HS3ST4: variants seen among roughly 807,000 people sequenced by gnomAD.
HS3ST4 encodes the protein heparan sulfate glucosamine 3-O-sulfotransferase 4.
Under a neutral mutation model 29.2 loss-of-function variants are expected in HS3ST4, and 17 were observed. That is an observed-to-expected ratio of 0.58 (90% confidence interval 0.40 to 0.87). HS3ST4 has a LOEUF of 0.87. Ranked by LOEUF, HS3ST4 falls within the 40% of genes least tolerant of loss-of-function variation. HS3ST4 has a pLI of 0.00. For missense variants in HS3ST4, 627 were observed against 634.5 expected (o/e 0.99, Z 0.13); for synonymous variants, 314 against 285.7 (o/e 1.10, Z -1.00).
In HS3ST4 at chr16:26,000,284, C is replaced by G. The variant is rs182822994; in HGVS notation, c.735-135328C>G. Among the ~76,000 whole-genome samples the G allele has an allele frequency of 6.6e-5, 10 of 152,212 alleles. No individual in the cohort carries two copies. The East Asian group carries it at 1.9e-3, about 29-fold the overall frequency. ...TTCCTCTCTTTCTCTCTGTCACATACACTTCAAATTATAGCTAGATTTTTC... is the reference window on the plus strand; with the variant it reads ...TTCCTCTCTTTCTCTCTGTCACATAGACTTCAAATTATAGCTAGATTTTTC... On this transcript the variant is annotated intron_variant, in intron 1 of 1. Coordinates refer to ENST00000331351, the MANE Select transcript of HS3ST4 (RefSeq NM_006040.3).
intron 1 of HS3ST4, among the ~76,000 whole-genome samples, chr16:25,769,274 G>T (rs1194548984): frequency 6.6e-6 from 1 of 152,124 alleles, no homozygotes; most frequent in Non-Finnish European, 1.5e-5. Context: ...CTCAGTGTGT[G>T]TCTGTGTGTG....
intron 1 of HS3ST4, among the ~76,000 whole-genome samples, chr16:26,086,897 A>G (rs752778749): frequency 2.0e-5 from 3 of 152,130 alleles, no homozygotes; most frequent in Admixed American, 6.5e-5. Context: ...TCTGAAATGC[A>G]TCTGCATTTA....
chr16:26,090,442 G>A (rs1898843191), intron 1 of HS3ST4, among the ~76,000 whole-genome samples: 1 of 151,972 alleles, frequency 6.6e-6, no homozygotes, highest in Non-Finnish European at 1.5e-5. Flanking sequence ...AAGCATCCAG[G>A]GTCCTTCCTA....
At chr16:25,965,105 C>T (rs1480939029) in intron 1 of HS3ST4, among the ~76,000 whole-genome samples, 3 of 152,050 alleles carry the variant, frequency 2.0e-5, no homozygotes, top group Non-Finnish European at 4.4e-5. Context: ...TCTGGAGATG[C>T]GCACCAAGTA....
chr16:25,924,585 A>G (rs566848293), intron 1 of HS3ST4, among the ~76,000 whole-genome samples: 3 of 152,310 alleles, frequency 2.0e-5, no homozygotes, highest in Admixed American at 2.0e-4. Context: ...ACCCATTTTC[A>G]TATGTTACCC....
rs143004102 is a variant in HS3ST4, at chr16:26,015,296, A to G, written c.735-120316A>G. ...AATACTTACAATTATGTTTAATTATAGTGAAACGATACGTATTACAACCAA... is the reference window on the plus strand; with the variant it reads ...AATACTTACAATTATGTTTAATTATGGTGAAACGATACGTATTACAACCAA... On this transcript the variant is annotated intron_variant, in intron 1 of 1. Transcript: ENST00000331351. Among the ~76,000 whole-genome samples, 336 of 152,370 alleles carry G rather than the reference A, an allele frequency of 2.2e-3. 2 individuals are homozygous for G. Among genetic ancestry groups the G allele is most frequent in the African/African-American group, 7.5e-3 (313 of 41,594 alleles).
chr16:25,712,859 C>A (rs1477704966), intron 1 of HS3ST4, among the ~76,000 whole-genome samples: 1 of 152,132 alleles, frequency 6.6e-6, no homozygotes, highest in Non-Finnish European at 1.5e-5. Context: ...TCTCACAATT[C>A]TGGAAGCTGG....
rs539940597 is a variant in HS3ST4, at chr16:25,884,208, G to A, written c.734+191057G>A. Among the ~76,000 whole-genome samples the A allele has an allele frequency of 1.1e-4, 16 of 152,250 alleles. No individual in the cohort carries two copies. The East Asian group carries it at 1.7e-3, about 17-fold the overall frequency. On this transcript the variant is annotated intron_variant, in intron 1 of 1. Coordinates refer to ENST00000331351, the MANE Select transcript of HS3ST4 (RefSeq NM_006040.3). ...GGTGCATAGAGAAGGTTCAGTACTC[G>A]AGGAAAGTAAATAAAAAGGAGATGA... is the stretch of plus-strand genomic sequence containing the variant.
intron 1 of HS3ST4, among the ~76,000 whole-genome samples, chr16:25,823,007 G>A (rs1470756641): frequency 8.5e-5 from 13 of 152,102 alleles, no homozygotes; most frequent in Admixed American, 8.5e-4. Flanking sequence ...TAAAGGGCTG[G>A]GATTACAGGC....
chr16:25,887,792 G>T (rs1362755181), intron 1 of HS3ST4, among the ~76,000 whole-genome samples: 2 of 146,950 alleles, frequency 1.4e-5, no homozygotes, highest in African/African-American at 2.6e-5. Flanking sequence ...CCACCTCCCA[G>T]GTTCACGCCA....
intron 1 of HS3ST4, among the ~76,000 whole-genome samples, chr16:26,004,918 G>A (rs1969243629): frequency 6.6e-6 from 1 of 152,142 alleles, no homozygotes; most frequent in South Asian, 2.1e-4. Context: ...CATTGAATCA[G>A]TGTCTATGCT....
At chr16:26,125,159 T>A (rs567224728) in intron 1 of HS3ST4, among the ~76,000 whole-genome samples, 1 of 152,360 alleles carries the variant, frequency 6.6e-6, no homozygotes, top group African/African-American at 2.4e-5. Flanking sequence ...TAGTCTGCTC[T>A]CTCACCTTAT....
chr16:25,753,684 A>G (rs745368905), intron 1 of HS3ST4, among the ~76,000 whole-genome samples: 5 of 152,182 alleles, frequency 3.3e-5, no homozygotes, highest in Non-Finnish European at 7.3e-5. Context: ...CCTGGCTTTT[A>G]ACAATGGTAA....
chr16:25,713,363 A>G (rs1281103514), intron 1 of HS3ST4, among the ~76,000 whole-genome samples: 1 of 152,038 alleles, frequency 6.6e-6, no homozygotes, highest in Non-Finnish European at 1.5e-5. Context: ...CCCTGTCTCT[A>G]CAAAAAATAC....
intron 1 of HS3ST4, among the ~76,000 whole-genome samples, chr16:26,037,365 G>A (rs149775690): frequency 6.6e-6 from 1 of 152,260 alleles, no homozygotes; most frequent in Non-Finnish European, 1.5e-5. Context: ...TTCTCCTAAG[G>A]AGAGATTGTG....
intron 1 of HS3ST4, among the ~76,000 whole-genome samples, chr16:25,957,305 G>A (rs530375200): frequency 3.9e-4 from 60 of 152,348 alleles, no homozygotes; most frequent in African/African-American, 1.4e-3. Flanking sequence ...GGCCTGGAAA[G>A]GAAAATAGTT....
At chr16:25,858,991 C>T (rs1157031175) in intron 1 of HS3ST4, among the ~76,000 whole-genome samples, 2 of 152,106 alleles carry the variant, frequency 1.3e-5, no homozygotes, top group Non-Finnish European at 2.9e-5. Flanking sequence ...CTTTCCTCTG[C>T]AGCAGTCATT....
intron 1 of HS3ST4, among the ~76,000 whole-genome samples, chr16:25,928,735 C>A (rs968821091): frequency 6.6e-6 from 1 of 152,158 alleles, no homozygotes; most frequent in Non-Finnish European, 1.5e-5. Flanking sequence ...GAACCCTCTC[C>A]ATGGGCTTTT....
chr16:25,885,363 AGGAGG>A (rs972754908), intron 1 of HS3ST4, among the ~76,000 whole-genome samples: 3 of 152,192 alleles, frequency 2.0e-5, no homozygotes, highest in Admixed American at 1.3e-4. Flanking sequence ...AGACCCTCAG[AGGAGG>A]GGACCAAGGA....
Sources: allele counts gnomAD v4.1 joint callset (sites outside exome capture counted in the v4.1 genomes callset), GRCh38; gene constraint gnomAD v4.1.1; transcripts MANE v1.5; gene names NCBI Gene and HGNC (gene_info 2026-07-23, HGNC 2026-07-21).